STRN: variants seen among roughly 807,000 people sequenced by gnomAD.
STRN encodes striatin.
A neutral mutation model predicts 96.3 loss-of-function variants in STRN; 53 were observed. That is an observed-to-expected ratio of 0.55 (90% CI 0.44 to 0.69). STRN has a LOEUF of 0.69. Ranked by LOEUF, STRN falls within the 30% of genes least tolerant of loss-of-function variation. The pLI, the probability that STRN is intolerant of heterozygous loss-of-function variation, is 0.00. For missense variants in STRN, 987 were observed against 963.9 expected, an observed-to-expected ratio of 1.02 and a Z score of -0.32; for synonymous variants, 428 against 355.9, an observed-to-expected ratio of 1.20 and a Z score of -2.28.
At chr2:36,917,213 G>GT (rs75212419) in intron 2 of STRN, among the ~76,000 whole-genome samples, 4,545 of 151,786 alleles carry the variant, frequency 0.03, 102 homozygotes, top group East Asian at 0.12. Flanking sequence ...TTACCGTTAG[G>GT]TTTTTTCATA....
At chr2:36,859,398 A>G (rs1162498913) in intron 13 of STRN, among the ~76,000 whole-genome samples, 1 of 152,224 alleles carries the variant, frequency 6.6e-6, no homozygotes, top group African/African-American at 2.4e-5. Context: ...AAAACTAGGT[A>G]ATTAGTAAGT....
chr2:36,859,207 T>A (rs922833557), intron 13 of STRN, among the ~76,000 whole-genome samples: 1 of 152,086 alleles, frequency 6.6e-6, no homozygotes, highest in African/African-American at 2.4e-5. Flanking sequence ...CAGGATCAAG[T>A]ATGTATTTAA....
intron 1 of STRN, among the ~76,000 whole-genome samples, chr2:36,964,191 G>T (rs1212356116): frequency 7.3e-6 from 1 of 136,524 alleles, no homozygotes; most frequent in Non-Finnish European, 1.5e-5. Context: ...GGGGCGGGGG[G>T]AAGGATGGGT....
rs1202163319 is a variant in STRN at position 36,839,290 on chromosome 2, C to A, written c.*10166G>T. ...AATATTCCCTATATTTTCACTTGTT[C>A]CCCCACCTGGAATGTGCTGCATCAG... On this transcript the variant is annotated 3_prime_UTR_variant, in exon 18 of 18. Transcript: ENST00000263918. 2.0e-5 allele frequency among the ~76,000 whole-genome samples: 3 copies of A among 152,022 alleles called. No individual in the cohort carries two copies. The highest frequency in any genetic ancestry group is 7.3e-5 in the African/African-American group (3 of 41,372).
rs968073489 is a variant in STRN at position 36,839,392 on chromosome 2, A to G, written c.*10064T>C. Among the ~76,000 whole-genome samples the G allele has an allele frequency of 5.9e-5, 9 of 152,218 alleles. No individual in the cohort carries two copies. Among genetic ancestry groups the G allele is most frequent in the Non-Finnish European group, 1.3e-4 (9 of 68,044 alleles). On this transcript the variant is annotated 3_prime_UTR_variant, in exon 18 of 18. Coordinates refer to ENST00000263918, the MANE Select transcript of STRN (RefSeq NM_003162.4). The stretch of plus-strand genomic sequence containing the variant: ...TAGCTGGCACTCAAATATTAAGGAA[A>G]GTAGTCTTCTGCTACTCTTGATGTT...
intron 4 of STRN, among the ~76,000 whole-genome samples, chr2:36,903,498 G>A (rs1363248415): frequency 2.6e-5 from 4 of 152,146 alleles, no homozygotes; most frequent in Non-Finnish European, 4.4e-5. Flanking sequence ...CACCAAAGTT[G>A]ACCAGAACAG....
intron 13 of STRN, among the ~76,000 whole-genome samples, chr2:36,858,980 AT>A (rs1231774353): frequency 2.0e-4 from 31 of 152,212 alleles, no homozygotes; most frequent in Non-Finnish European, 1.5e-5. Context: ...GGGGGAGAAC[AT>A]GATTGACAAG....
intron 1 of STRN, among the ~76,000 whole-genome samples, chr2:36,935,551 C>A (rs1389548906): frequency 6.6e-6 from 1 of 152,092 alleles, no homozygotes; most frequent in African/African-American, 2.4e-5. Flanking sequence ...ACCAGATAAG[C>A]CCTCTAAAGG....
chr2:36,875,161 T>G (rs546588227), intron 10 of STRN, among the ~76,000 whole-genome samples: 3 of 151,718 alleles, frequency 2.0e-5, no homozygotes, highest in Non-Finnish European at 2.9e-5. Context: ...CACTGAAGAG[T>G]AGCAAAAGAG....
intron 1 of STRN, among the ~76,000 whole-genome samples, chr2:36,964,638 T>C (rs1359017621): frequency 6.6e-6 from 1 of 152,176 alleles, no homozygotes; most frequent in Non-Finnish European, 1.5e-5. Flanking sequence ...TAGAAACTAC[T>C]GGTCACTCCC....
intron 4 of STRN, among the ~76,000 whole-genome samples, chr2:36,904,141 A>T (rs1255364555): frequency 6.6e-6 from 1 of 152,230 alleles, no homozygotes; most frequent in Non-Finnish European, 1.5e-5. Flanking sequence ...CATCTATTTT[A>T]AAAAGGAAGA....
intron 1 of STRN, among the ~76,000 whole-genome samples, chr2:36,963,775 T>A (rs1665086448): frequency 6.6e-6 from 1 of 151,850 alleles, no homozygotes; most frequent in Non-Finnish European, 1.5e-5. Context: ...TGGCCAACAT[T>A]GTGAAACCCC....
intron 7 of STRN, among the ~76,000 whole-genome samples, chr2:36,891,638 G>A (rs1290918720): frequency 2.6e-5 from 4 of 152,158 alleles, no homozygotes; most frequent in East Asian, 1.9e-4. Flanking sequence ...AATATCTCTT[G>A]TAGACCTTGT....
At position 36,848,449 on chromosome 2, in the gene STRN, C is replaced by T. The variant is rs193201456; in HGVS notation, c.*1007G>A. ...CTTGGTAGATGTCAGATAACTTGAA[C>T]GTGACAAAGAAGAAAGAGCACAGAT... is the stretch of plus-strand genomic sequence containing the variant. On this transcript the variant is annotated 3_prime_UTR_variant, in exon 18 of 18. Transcript: ENST00000263918. 66 of 152,164 alleles carry T rather than the reference C, an allele frequency of 4.3e-4. No homozygotes were observed. The highest frequency in any genetic ancestry group is 3.4e-3 in the Middle Eastern group (1 of 294). 9.4% of individuals were successfully genotyped at this position (152,164 alleles called of 1,614,324 possible).
intron 1 of STRN, among the ~76,000 whole-genome samples, chr2:36,934,695 G>A (rs117013359): frequency 1.3e-5 from 2 of 152,228 alleles, no homozygotes; most frequent in East Asian, 3.9e-4. Context: ...TCTTCCCAAC[G>A]GAAGAAGGCT....
Position 36,850,033 on chromosome 2 carries a change from G to A in STRN, c.2087-233C>T, listed in dbSNP as rs723673. ...ATTACACTTTTGTCTTTTAAGCCAC[G>A]ATATGGAAGTCAGTAATTTCTACAC... On this transcript the variant is annotated intron_variant, in intron 16 of 17. Coordinates refer to ENST00000263918, the MANE Select transcript of STRN (RefSeq NM_003162.4). Among the ~76,000 whole-genome samples, 127,750 of 152,208 alleles carry A rather than the reference G, an allele frequency of 0.84. 56,147 individuals are homozygous for A. The highest frequency in any genetic ancestry group is 0.96 in the Non-Finnish European group (65,498 of 68,038).
At chr2:36,945,803 T>TA (rs927768285) in intron 1 of STRN, among the ~76,000 whole-genome samples, 7 of 152,336 alleles carry the variant, frequency 4.6e-5, no homozygotes, top group Middle Eastern at 6.8e-3. Context: ...CATATTATCT[T>TA]AGACGCAAAA....
At chr2:36,885,913 C>G (rs1308670371) in intron 8 of STRN, among the ~76,000 whole-genome samples, 1 of 152,008 alleles carries the variant, frequency 6.6e-6, no homozygotes, top group Non-Finnish European at 1.5e-5. Flanking sequence ...AGGGTAGAAA[C>G]ACAAGGAGGT....
chr2:36,882,636 G>C (rs956653721), intron 9 of STRN, among the ~76,000 whole-genome samples: 1 of 152,168 alleles, frequency 6.6e-6, no homozygotes, highest in Non-Finnish European at 1.5e-5. Flanking sequence ...GGGCATGGTG[G>C]CATGTGCCTA....
Sources: gnomAD v4.1 joint callset for allele counts (sites outside exome capture counted in the v4.1 genomes callset) on GRCh38, gnomAD v4.1.1 for gene constraint, MANE v1.5 for transcripts, NCBI Gene and HGNC (gene_info 2026-07-23, HGNC 2026-07-21) for gene names.